Variants in NRXN1 observed in about 807,000 individuals in gnomAD.
The protein encoded by NRXN1 is neurexin-1.
A neutral mutation model predicts 150.9 loss-of-function variants in NRXN1; 39 were observed. That is an observed-to-expected ratio of 0.26 (90% confidence interval 0.20 to 0.34). The LOEUF (loss-of-function observed/expected upper bound fraction) is 0.34. Ranked by LOEUF, NRXN1 falls within the 10% of genes least tolerant of loss-of-function variation. The pLI, the probability that NRXN1 is intolerant of heterozygous loss-of-function variation, is 1.00. For missense variants in NRXN1, 1,815 were observed against 1,949.9 expected, an observed-to-expected ratio of 0.93 and a Z score of 1.30; for synonymous variants, 924 against 757.0, an observed-to-expected ratio of 1.22 and a Z score of -3.62.
At chr2:50,308,919 G>T (rs1219796441) in intron 17 of NRXN1, among the ~76,000 whole-genome samples, 1 of 152,140 alleles carries the variant, frequency 6.6e-6, no homozygotes, top group Non-Finnish European at 1.5e-5. Flanking sequence ...ATGGGGATAG[G>T]TTGATAATCG....
intron 17 of NRXN1, among the ~76,000 whole-genome samples, chr2:50,459,345 G>A (rs1440863337): frequency 6.6e-6 from 1 of 152,102 alleles, no homozygotes; most frequent in Non-Finnish European, 1.5e-5. Context: ...AGAGGTACAT[G>A]TGAAAGTTTG....
intron 5 of NRXN1, among the ~76,000 whole-genome samples, chr2:50,715,304 C>G (rs1238143247): frequency 6.6e-6 from 1 of 152,058 alleles, no homozygotes; most frequent in South Asian, 2.1e-4. Context: ...TTCGGGTTAT[C>G]CCTGGATCCA....
chr2:50,107,419 T>C (rs989439332), intron 18 of NRXN1, among the ~76,000 whole-genome samples: 1 of 150,996 alleles, frequency 6.6e-6, no homozygotes, highest in Non-Finnish European at 1.5e-5. Flanking sequence ...TTTAAAGAGA[T>C]TATTAGGGGC....
At chr2:50,314,417 C>T (rs2075424787) in intron 17 of NRXN1, among the ~76,000 whole-genome samples, 1 of 152,072 alleles carries the variant, frequency 6.6e-6, no homozygotes, top group Non-Finnish European at 1.5e-5. Context: ...TCCCTTTCCT[C>T]CTCAGCTCAA....
intron 17 of NRXN1, among the ~76,000 whole-genome samples, chr2:50,303,775 T>A (rs368253633): frequency 6.6e-6 from 1 of 152,278 alleles, no homozygotes; most frequent in African/African-American, 2.4e-5. Flanking sequence ...TTACAAAAGT[T>A]AGGTAAAAAC....
At chr2:50,911,393 T>A (rs956343235) in intron 5 of NRXN1, among the ~76,000 whole-genome samples, 3 of 151,662 alleles carry the variant, frequency 2.0e-5, no homozygotes, top group African/African-American at 7.3e-5. Context: ...GTTTTTTTTT[T>A]AAATCTTACC....
At chr2:50,098,787 G>C (rs1700577570) in intron 18 of NRXN1, among the ~76,000 whole-genome samples, 1 of 134,322 alleles carries the variant, frequency 7.4e-6, no homozygotes, top group Non-Finnish European at 1.6e-5. Flanking sequence ...GATGAGTCAA[G>C]AGGAGGGTTA....
intron 2 of NRXN1, among the ~76,000 whole-genome samples, chr2:50,953,877 A>G (rs1691838309): frequency 6.6e-6 from 1 of 152,152 alleles, no homozygotes. Flanking sequence ...GACAAATATG[A>G]GTCACACCAA....
intron 2 of NRXN1, among the ~76,000 whole-genome samples, chr2:50,987,936 C>CA (rs1042509872): frequency 4.6e-5 from 7 of 151,848 alleles, no homozygotes; most frequent in Non-Finnish European, 7.4e-5. Context: ...GTGTCTTTTG[C>CA]AAAAAATCAA....
intron 15 of NRXN1, among the ~76,000 whole-genome samples, chr2:50,482,749 G>A (rs1455363224): frequency 6.6e-6 from 1 of 152,036 alleles, no homozygotes; most frequent in African/African-American, 2.4e-5. Context: ...TGAGATAGGA[G>A]GTCCACATAA....
intron 5 of NRXN1, among the ~76,000 whole-genome samples, chr2:50,901,225 T>A (rs1048066254): frequency 6.6e-6 from 1 of 151,982 alleles, no homozygotes; most frequent in Non-Finnish European, 1.5e-5. Context: ...ACAGAATGAA[T>A]TAATATCCAA....
At chr2:50,735,849 C>T (rs188862662) in intron 5 of NRXN1, among the ~76,000 whole-genome samples, 191 of 152,194 alleles carry the variant, frequency 1.3e-3, no homozygotes, top group African/African-American at 4.5e-3. Flanking sequence ...ATACATCTGC[C>T]GTACTGCCAA....
intron 17 of NRXN1, among the ~76,000 whole-genome samples, chr2:50,458,710 G>C (rs2104590828): frequency 6.6e-6 from 1 of 152,000 alleles, no homozygotes; most frequent in African/African-American, 2.4e-5. Context: ...CTCCTGAGTA[G>C]CTGGAATTAC....
chr2:50,158,142 G>A (rs545317827), intron 18 of NRXN1, among the ~76,000 whole-genome samples: 1 of 148,944 alleles, frequency 6.7e-6, no homozygotes, highest in African/African-American at 2.5e-5. Flanking sequence ...GAATTAAAGG[G>A]TCACAAGAAT....
chr2:50,377,456 T>G (rs1478551841), intron 17 of NRXN1, among the ~76,000 whole-genome samples: 1 of 152,230 alleles, frequency 6.6e-6, no homozygotes. Context: ...CTGCATAGTA[T>G]TCCATGATGT....
chr2:50,700,393 T>G (rs1273317378), intron 5 of NRXN1, among the ~76,000 whole-genome samples: 1 of 152,168 alleles, frequency 6.6e-6, no homozygotes, highest in Non-Finnish European at 1.5e-5. Flanking sequence ...AATGGCAATT[T>G]TTCTGGACAA....
intron 21 of NRXN1, among the ~76,000 whole-genome samples, chr2:49,951,535 T>G (rs956911032): frequency 4.8e-4 from 73 of 151,974 alleles, no homozygotes; most frequent in African/African-American, 1.7e-3. Context: ...CAAAGACTGC[T>G]GGTAATGGAG....
chr2:50,228,967 A>G (rs919036870), intron 18 of NRXN1, among the ~76,000 whole-genome samples: 8 of 152,028 alleles, frequency 5.3e-5, no homozygotes, highest in Non-Finnish European at 8.8e-5. Context: ...GTTCTGGTCT[A>G]GCACACCATC....
chr2:50,859,832 T>C (rs923704121), intron 5 of NRXN1, among the ~76,000 whole-genome samples: 111 of 91,152 alleles, frequency 1.2e-3, no homozygotes, highest in African/African-American at 4.0e-3. Flanking sequence ...ACACACACAA[T>C]TATGTTTGTG....
Sources: allele counts gnomAD v4.1 joint callset (sites outside exome capture counted in the v4.1 genomes callset), GRCh38; gene constraint gnomAD v4.1.1; transcripts MANE v1.5; gene names NCBI Gene and HGNC (gene_info 2026-07-23, HGNC 2026-07-21).